KCNQ1: variants seen among roughly 807,000 people sequenced by gnomAD.
The protein encoded by KCNQ1 is potassium voltage-gated channel subfamily KQT member 1.
KCNQ1 carries 49 observed loss-of-function variants against 72.4 expected under a neutral mutation model. The observed-to-expected ratio is 0.68, with a 90% CI of 0.54 to 0.86. KCNQ1 has a LOEUF of 0.86. Among genes scored for constraint, KCNQ1 ranks in the 40% least tolerant of loss-of-function variants. The probability of loss-of-function intolerance (pLI) is 0.00; values close to 1 mark genes in which losing one functional copy is unlikely to be tolerated. For synonymous variants in KCNQ1, 450 were observed against 412.6 expected (o/e 1.09, Z -1.10); for missense variants, 790 against 945.1 (o/e 0.84, Z 2.15).
In KCNQ1 at chr11:2,734,913, G is replaced by A. The variant is rs1341375076; in HGVS notation, c.1515-33931G>A. 1.3e-5 allele frequency among the ~76,000 whole-genome samples: 2 copies of A among 151,996 alleles called. No homozygotes were observed. The highest frequency in any genetic ancestry group is 2.9e-5 in the Non-Finnish European group (2 of 67,976). On this transcript the variant is annotated intron_variant, in intron 11 of 15. Transcript: ENST00000155840. The surrounding 1 kb of genome is among the most constrained non-coding windows in gnomAD (Gnocchi z 7.0). ...ACCACCGCAGAGGTGATGTCTCCAG[G>A]AGGCTTCTGGGCCAGCAGCATGTTC...
intron 2 of KCNQ1, among the ~76,000 whole-genome samples, chr11:2,554,882 G>A (rs1367527377): frequency 6.6e-6 from 1 of 152,216 alleles, no homozygotes; most frequent in African/African-American, 2.4e-5. Flanking sequence ...TCCTGAAAGG[G>A]GGGGAAAACA....
Position 2,541,142 on chromosome 11 carries a change from A to G in KCNQ1, c.477+13124A>G, listed in dbSNP as rs1010209735. On this transcript the variant is annotated intron_variant, in intron 2 of 15. Transcript: ENST00000155840. The surrounding 1 kb of genome is among the most constrained non-coding windows in gnomAD (Gnocchi z 4.8). ...CCCTGGACCTCAGGCAGGCAGGGAG[A>G]GAGACCCCCTTGGGGCCGCGTTCCA... Among the ~76,000 whole-genome samples, 3 of 152,242 alleles carry G rather than the reference A, an allele frequency of 2.0e-5. No homozygotes were observed. Among genetic ancestry groups the G allele is most frequent in the African/African-American group, 7.2e-5 (3 of 41,466 alleles).
chr11:2,606,893 T>TC, intron 10 of KCNQ1, among the ~76,000 whole-genome samples: 1 of 47,908 alleles, frequency 2.1e-5, no homozygotes, highest in Non-Finnish European at 3.5e-5. Flanking sequence ...TTATCTGTGA[T>TC]TTTTTTTTTT....
rs370385769 is a variant in KCNQ1, at chr11:2,468,499, G to C, written c.386+23015G>C. Reference sequence around the variant, plus strand: ...CGGTAAACTGCCCCAGTTTAAAGCAGACAGTTCCATGAGTCCTGACATTTG... The same window carrying C: ...CGGTAAACTGCCCCAGTTTAAAGCACACAGTTCCATGAGTCCTGACATTTG... On this transcript the variant is annotated intron_variant, in intron 1 of 15. Coordinates refer to ENST00000155840, the MANE Select transcript of KCNQ1 (RefSeq NM_000218.3). The surrounding 1 kb of genome is among the most constrained non-coding windows in gnomAD (Gnocchi z 5.7). Among the ~76,000 whole-genome samples the C allele has an allele frequency of 2.6e-5, 4 of 152,138 alleles. No homozygotes were observed. Among genetic ancestry groups the C allele is most frequent in the African/African-American group, 9.7e-5 (4 of 41,412 alleles).
intron 11 of KCNQ1, chr11:2,696,181 C>G (rs900238421): frequency 2.5e-6 from 1 of 398,588 alleles, no homozygotes; most frequent in Non-Finnish European, 4.4e-6. Flanking sequence ...TTTAAGAACC[C>G]CACGGCCACC....
At chr11:2,632,119 C>T (rs1335547276) in intron 10 of KCNQ1, 2 of 385,336 alleles carry the variant, frequency 5.2e-6, no homozygotes, top group Non-Finnish European at 9.0e-6. Flanking sequence ...GGAGGCAGAG[C>T]TTGCAGTGAG....
Position 2,737,884 on chromosome 11 carries a change from G to C in KCNQ1, c.1515-30960G>C, listed in dbSNP as rs186713132. ...GCGGTCATAATACAGGAGTGGGCTGGAGGCAGGGAAAGGGGTTGGTGCCCC... is the reference window on the plus strand; with the variant it reads ...GCGGTCATAATACAGGAGTGGGCTGCAGGCAGGGAAAGGGGTTGGTGCCCC... On this transcript the variant is annotated intron_variant, in intron 11 of 15. Transcript: ENST00000155840. 4.3e-3 allele frequency among the ~76,000 whole-genome samples: 661 copies of C among 152,314 alleles called. 2 individuals carry two copies. The highest frequency in any genetic ancestry group is 7.4e-3 in the Non-Finnish European group (500 of 68,026).
intron 10 of KCNQ1, among the ~76,000 whole-genome samples, chr11:2,607,982 C>A (rs1247864843): frequency 6.6e-6 from 1 of 152,124 alleles, no homozygotes; most frequent in Non-Finnish European, 1.5e-5. Context: ...GAAAACAATT[C>A]TATTTACAAC....
In KCNQ1 at chr11:2,479,047, A is replaced by G. The variant is rs1846615213; in HGVS notation, c.386+33563A>G. Among the ~76,000 whole-genome samples, 1 of 151,322 alleles carries G rather than the reference A, an allele frequency of 6.6e-6. No individual in the cohort carries two copies. The highest frequency in any genetic ancestry group is 1.5e-5 in the Non-Finnish European group (1 of 67,972). On this transcript the variant is annotated intron_variant, in intron 1 of 15. Transcript: ENST00000155840. This position sits in a 1 kb window ranked among gnomAD's most constrained non-coding sequence, Gnocchi z 4.6. ...GATCTCCATTGACTCCATGTCTCAC[A>G]TCTAGGTCATGCTGATGCAAGAGGT... is the stretch of plus-strand genomic sequence containing the variant.
At chr11:2,688,401 G>C (rs371336201) in intron 11 of KCNQ1, 1 of 398,640 alleles carries the variant, frequency 2.5e-6, no homozygotes, top group Admixed American at 4.4e-5. Flanking sequence ...ATCCTTTGCT[G>C]ATCCTCTGTG....
chr11:2,453,406 CA>C lies in KCNQ1; in HGVS notation c.386+7924del, dbSNP rs201426302. Among the ~76,000 whole-genome samples the C allele has an allele frequency of 8.7e-4, 52 of 59,546 alleles. No homozygotes were observed. The East Asian group carries it at 0.014, about 16-fold the overall frequency. The allele number at this position is 59,546 out of a possible 152,430, so 39.1% of individuals were successfully genotyped here. ...AAAAAAAATCTTAATGGGAAACAGC[CA>C]ATTGCCAGGCTGGGGGAAGATGTGA... is the stretch of plus-strand genomic sequence containing the variant. On this transcript the variant is annotated intron_variant, in intron 1 of 15. Coordinates refer to ENST00000155840, the MANE Select transcript of KCNQ1 (RefSeq NM_000218.3).
rs1157206248 is a variant in KCNQ1, at chr11:2,564,994, A to G, written c.478-5634A>G. Among the ~76,000 whole-genome samples the G allele has an allele frequency of 2.0e-5, 3 of 152,138 alleles. No individual in the cohort carries two copies. The highest frequency in any genetic ancestry group is 4.4e-5 in the Non-Finnish European group (3 of 68,020). ...TCCGTCTCCGTCGGTGCACTGAGGG[A>G]CACTGGGCTGGTTCCCCTTTTTGGC... On this transcript the variant is annotated intron_variant, in intron 2 of 15. Coordinates refer to ENST00000155840, the MANE Select transcript of KCNQ1 (RefSeq NM_000218.3). The surrounding 1 kb of genome is among the most constrained non-coding windows in gnomAD (Gnocchi z 4.5).
intron 11 of KCNQ1, among the ~76,000 whole-genome samples, chr11:2,707,653 G>C (rs1174660219): frequency 6.6e-6 from 1 of 152,248 alleles, no homozygotes; most frequent in African/African-American, 2.4e-5. Flanking sequence ...GTAGCACTTA[G>C]TATGTCAGGC....
chr11:2,618,770 G>T, intron 10 of KCNQ1: 1 of 398,312 alleles, frequency 2.5e-6, no homozygotes, highest in South Asian at 1.3e-4. Flanking sequence ...ATATTGATTT[G>T]GATATTATTG....
intron 1 of KCNQ1, among the ~76,000 whole-genome samples, chr11:2,449,123 T>C (rs913380322): frequency 1.3e-5 from 2 of 152,212 alleles, no homozygotes; most frequent in African/African-American, 4.8e-5. Flanking sequence ...TGGGCTGCCT[T>C]GGCCAGGGTC....
Position 2,695,919 on chromosome 11 carries a change from T to C in KCNQ1, c.1514+33838T>C. The C allele has an allele frequency of 2.5e-6, 1 of 398,674 alleles. No individual in the cohort carries two copies. The highest frequency in any genetic ancestry group is 4.4e-6 in the Non-Finnish European group (1 of 226,068). 24.7% of individuals were successfully genotyped at this position (398,674 alleles called of 1,614,324 possible). A position where few individuals can be genotyped will look rare whatever the true frequency, so the allele number is the denominator to read the frequency against. ...CTACCTTTTTCTTAATGATTTGTGG[T>C]GCTTTCTGGTATATTTTAGCTGTTG... On this transcript the variant is annotated intron_variant, in intron 11 of 15. Coordinates refer to ENST00000155840, the MANE Select transcript of KCNQ1 (RefSeq NM_000218.3). The surrounding 1 kb of genome is among the most constrained non-coding windows in gnomAD (Gnocchi z 5.2).
intron 11 of KCNQ1, among the ~76,000 whole-genome samples, chr11:2,727,942 C>T (rs909013969): frequency 2.6e-5 from 4 of 152,116 alleles, no homozygotes; most frequent in Admixed American, 6.5e-5. Context: ...CTAGTCAAAG[C>T]GCTTCATTTC....
Position 2,759,981 on chromosome 11 carries a change from C to T in KCNQ1, c.1515-8863C>T, listed in dbSNP as rs562771623. Among the ~76,000 whole-genome samples the T allele has an allele frequency of 1.3e-5, 2 of 152,350 alleles. No individual in the cohort carries two copies. Among genetic ancestry groups the T allele is most frequent in the Middle Eastern group, 6.8e-3 (2 of 294 alleles). On this transcript the variant is annotated intron_variant, in intron 11 of 15. Coordinates refer to ENST00000155840, the MANE Select transcript of KCNQ1 (RefSeq NM_000218.3). This position sits in a 1 kb window ranked among gnomAD's most constrained non-coding sequence, Gnocchi z 4.4. ...GCCAGGCCGCTGAGCTGCTGGGAAT[C>T]TGTTCCACAGGTGGGAAGGTCGGCC...
At chr11:2,790,618 C>G (rs1038431311) in intron 15 of KCNQ1, among the ~76,000 whole-genome samples, 3 of 152,270 alleles carry the variant, frequency 2.0e-5, no homozygotes, top group African/African-American at 7.2e-5. Context: ...AGCTCTGCCC[C>G]CTACACGCGA....
Sources: allele counts gnomAD v4.1 joint callset (sites outside exome capture counted in the v4.1 genomes callset), GRCh38; gene constraint gnomAD v4.1.1; non-coding constraint Gnocchi (gnomAD v3.1); transcripts MANE v1.5; gene names NCBI Gene and HGNC (gene_info 2026-07-23, HGNC 2026-07-21).